CYTH2: variants seen among roughly 807,000 people sequenced by gnomAD.
The protein encoded by CYTH2 is cytohesin 2.
A neutral mutation model predicts 55.4 loss-of-function variants in CYTH2; 24 were observed. The ratio of observed to expected loss-of-function variants is 0.43; its 90% confidence interval spans 0.31 to 0.61. The LOEUF is 0.61. CYTH2 is among the 20% of genes least tolerant of loss of function. CYTH2 has a pLI of 0.08. For synonymous variants in CYTH2, 221 were observed against 209.6 expected (o/e 1.05, Z -0.47); for missense variants, 378 against 533.5 (o/e 0.71, Z 2.87).
Position 48,479,352 on chromosome 19 carries a change from C to A in CYTH2, c.*142C>A. ...TCCTCACTGTTCTTTGTAATTAACA[C>A]GCTGTTGGTAATCTTATTAATTATT... On this transcript the variant is annotated 3_prime_UTR_variant, in exon 12 of 12. Transcript: ENST00000452733. 1 of 734,452 alleles carries A rather than the reference C, an allele frequency of 1.4e-6. No homozygotes were observed. The highest frequency in any genetic ancestry group is 2.3e-6 in the Non-Finnish European group (1 of 441,078). The allele number at this position is 734,452 out of a possible 1,614,324, so 45.5% of individuals were successfully genotyped here. A position where few individuals can be genotyped will look rare whatever the true frequency, so the allele number is the denominator to read the frequency against.
chr19:48,472,633 C>T (rs774169637), intron 4 of CYTH2, 190 bp downstream of exon 4: 27 of 641,884 alleles, frequency 4.2e-5, no homozygotes, highest in African/African-American at 1.6e-4. Context: ...TGCGGCCAAC[C>T]GAGAGCATCT....
chr19:48,469,410 G>C lies in CYTH2; in HGVS notation c.-98G>C, dbSNP rs1317947206. On this transcript the variant is annotated 5_prime_UTR_variant, in exon 1 of 12. Transcript: ENST00000452733. ...GCTGAGGAGGCGGCGGTGGCTCCCG[G>C]GGCGTTTGAGCGGGCTCACCCGAGC... 1 of 1,273,470 alleles carries C rather than the reference G, an allele frequency of 7.9e-7. No homozygotes were observed. Among genetic ancestry groups the C allele is most frequent in the East Asian group, 3.2e-5 (1 of 31,690 alleles). 78.9% of individuals were successfully genotyped at this position (1,273,470 alleles called of 1,614,324 possible).
chr19:48,480,426 T>C lies in CYTH2; in HGVS notation c.*1216T>C, dbSNP rs1000557685. 3 of 152,206 alleles carry C rather than the reference T, an allele frequency of 2.0e-5. No homozygotes were observed. Among genetic ancestry groups the C allele is most frequent in the African/African-American group, 7.2e-5 (3 of 41,458 alleles). The allele number at this position is 152,206 out of a possible 1,614,324, so 9.4% of individuals were successfully genotyped here. Reference sequence around the variant, plus strand: ...GATGCGGCGCTTCGGAATTTCGGGCTTTGATCCCTGTCCCGCCCTTGGCCA... The same window carrying C: ...GATGCGGCGCTTCGGAATTTCGGGCCTTGATCCCTGTCCCGCCCTTGGCCA... On this transcript the variant is annotated 3_prime_UTR_variant, in exon 12 of 12. Coordinates refer to ENST00000452733, the MANE Select transcript of CYTH2 (RefSeq NM_004228.7).
chr19:48,472,518 A>G, intron 4 of CYTH2, 75 bp downstream of exon 4: 1 of 1,179,852 alleles, frequency 8.5e-7, no homozygotes, highest in Non-Finnish European at 1.2e-6. Context: ...TCACACTGGC[A>G]GCTCACAGGT....
In CYTH2 at chr19:48,481,727, G is replaced by A; in HGVS notation, c.*2517G>A. ...GGGGTTTCACCATATTGGCCAAGCT[G>A]GTCTCGAACTCCTGACCTCAGGCGA... On this transcript the variant is annotated 3_prime_UTR_variant, in exon 12 of 12. Transcript: ENST00000452733. The A allele has an allele frequency of 6.5e-6, 1 of 153,156 alleles. No individual in the cohort carries two copies. Among genetic ancestry groups the A allele is most frequent in the East Asian group, 1.9e-4 (1 of 5,214 alleles). The allele number at this position is 153,156 out of a possible 1,614,324, so 9.5% of individuals were successfully genotyped here.
At position 48,473,947 on chromosome 19, in the gene CYTH2, A is replaced by G; in HGVS notation, c.477A>G (p.Lys159=). 6.2e-7 allele frequency: 1 copy of G among 1,613,744 alleles called. No homozygotes were observed. Among genetic ancestry groups the G allele is most frequent in the Non-Finnish European group, 8.5e-7 (1 of 1,179,808 alleles). ...TTCGCCTACCCGGAGAGGCCCAGAA[A>G]ATTGACCGGATGATGGAGGCCTTCG... is the stretch of plus-strand genomic sequence containing the variant. ...WSFRLPGEAQ[K]IDRMMEAFAQ... The change falls in exon 6 of 12, where the codon AAA becomes AAG. Residue 159 remains lysine (K), a synonymous_variant. Transcript: ENST00000452733.
In CYTH2 at chr19:48,474,734, C is replaced by G. The variant is rs1166594254; in HGVS notation, c.697-104C>G. On this transcript the variant is annotated intron_variant, in intron 7 of 11. Transcript: ENST00000452733. The surrounding 1 kb of genome is among the most constrained non-coding windows in gnomAD (Gnocchi z 4.9). The stretch of plus-strand genomic sequence containing the variant: ...CTCCTCCCCACTACCCCTCTCTCTT[C>G]CCCACTATGAGTCATCCCATCCCTG... The G allele has an allele frequency of 2.1e-6, 2 of 941,592 alleles. No individual in the cohort carries two copies. Among genetic ancestry groups the G allele is most frequent in the East Asian group, 4.9e-5 (2 of 40,754 alleles). The allele number at this position is 941,592 out of a possible 1,614,324, so 58.3% of individuals were successfully genotyped here.
At chr19:48,471,166 T>TTGTGTGTGTGTGTGTGTGTGTGTGTG (rs372484993) in intron 3 of CYTH2, among the ~76,000 whole-genome samples, 1,571 of 150,600 alleles carry the variant, frequency 0.01, 32 homozygotes, top group East Asian at 0.034. Context: ...CACCTACTCT[T>TTGTGTGTGTGTGTGTGTGTGTGTGTG]TGTGTGTGTG....
chr19:48,475,922 G>A (rs1971903097), intron 8 of CYTH2: 1 of 459,962 alleles, frequency 2.2e-6, no homozygotes, highest in Admixed American at 2.4e-5. Flanking sequence ...ACACATCTGG[G>A]CAGTTACAGT....
chr19:48,474,007 C>T lies in CYTH2; in HGVS notation c.537C>T (p.Phe179=), dbSNP rs1481750376. ...ACTGCCTGTGCAACCCTGGGGTTTT[C>T]CAGTCCACAGGTGCGGGCCCCAAAT... The part of the protein sequence containing the change: ...QRYCLCNPGV[F]QSTDTCYVLS... Residue 179 remains phenylalanine (F), a synonymous_variant, in exon 6 of 12, where the codon TTC becomes TTT. Coordinates refer to ENST00000452733, the MANE Select transcript of CYTH2 (RefSeq NM_004228.7). This position sits in a 1 kb window ranked among gnomAD's most constrained non-coding sequence, Gnocchi z 4.9. 6.2e-7 allele frequency: 1 copy of T among 1,610,390 alleles called. No homozygotes were observed. Among genetic ancestry groups the T allele is most frequent in the Admixed American group, 1.7e-5 (1 of 59,192 alleles).
chr19:48,471,622 C>T (rs912006695), intron 3 of CYTH2, among the ~76,000 whole-genome samples: 2 of 152,210 alleles, frequency 1.3e-5, no homozygotes, highest in African/African-American at 2.4e-5. Flanking sequence ...GAGAGGTCTT[C>T]GTAGCACAGA....
chr19:48,471,166 T>TTGTGTGTGTG lies in CYTH2; in HGVS notation c.234+502_234+511dup, dbSNP rs372484993. 1.5e-4 allele frequency among the ~76,000 whole-genome samples: 23 copies of TTGTGTGTGTG among 150,652 alleles called. No homozygotes were observed. In the East Asian group the frequency reaches 4.3e-3, roughly 28 times the overall value. On this transcript the variant is annotated intron_variant, in intron 3 of 11. Transcript: ENST00000452733. ...GGAAAGGCTTTTGTTCACCTACTCT[T>TTGTGTGTGTG]TGTGTGTGTGTGTGAGACAGAGTCT...
chr19:48,481,895 G>A lies in CYTH2; in HGVS notation c.*2685G>A, dbSNP rs1455558955. ...CATGTTGAGATTCGAGCCCCAGTGT[G>A]GCAGGTGTTGGGATGTGGGGCCTCA... On this transcript the variant is annotated 3_prime_UTR_variant, in exon 12 of 12. Coordinates refer to ENST00000452733, the MANE Select transcript of CYTH2 (RefSeq NM_004228.7). 9.3e-6 allele frequency: 1 copy of A among 106,990 alleles called. No individual in the cohort carries two copies. The highest frequency in any genetic ancestry group is 1.9e-5 in the Non-Finnish European group (1 of 52,426). 6.6% of individuals were successfully genotyped at this position (106,990 alleles called of 1,614,324 possible).
rs757452084 is a variant in CYTH2 at position 48,473,929 on chromosome 19, A to G, written c.459A>G (p.Leu153=). The G allele has an allele frequency of 6.8e-6, 11 of 1,612,914 alleles. No homozygotes were observed. The highest frequency in any genetic ancestry group is 1.6e-4 in the Middle Eastern group (1 of 6,072). ...GGCAGTTTCTATGGAGCTTTCGCCT[A>G]CCCGGAGAGGCCCAGAAAATTGACC... The part of the protein sequence containing the change: ...ALRQFLWSFR[L]PGEAQKIDRM... Residue 153 remains leucine, a synonymous_variant, in exon 6 of 12, where the codon CTA becomes CTG. Coordinates refer to ENST00000452733, the MANE Select transcript of CYTH2 (RefSeq NM_004228.7).
At chr19:48,470,097 GCTC>G (rs1426965946) in intron 1 of CYTH2, 41 of 686,058 alleles carry the variant, frequency 6.0e-5, no homozygotes, top group Non-Finnish European at 9.8e-5. Context: ...AGATCTAAGA[GCTC>G]AGGCACCCAT....
chr19:48,470,430 A>AT lies in CYTH2; in HGVS notation c.99dup (p.Gln34SerfsTer9), dbSNP rs1408504156. ...GCGGAAGCAGGAGCTGCTGGTGGAG[A>AT]TTCAGCGCCTGCGGGAGGAGCTCAG... is the stretch of plus-strand genomic sequence containing the variant. On this transcript the variant is annotated frameshift_variant, in exon 2 of 12. Transcript: ENST00000452733. LOFTEE classifies it high-confidence loss of function. The AT allele has an allele frequency of 3.7e-6, 6 of 1,614,068 alleles. No homozygotes were observed. The highest frequency in any genetic ancestry group is 5.1e-6 in the Non-Finnish European group (6 of 1,180,018).
rs934321636 is a variant in CYTH2, at chr19:48,480,915, C to G, written c.*1705C>G. 3.9e-5 allele frequency: 6 copies of G among 152,424 alleles called. No homozygotes were observed. The highest frequency in any genetic ancestry group is 3.4e-3 in the Middle Eastern group (1 of 294). 9.4% of individuals were successfully genotyped at this position (152,424 alleles called of 1,614,324 possible). Reference sequence around the variant, plus strand: ...GGCAGAGGCAGGAAGAGGCGCGGAGCCCGCTGGTGGCGAAGAGGGGAGTGC... The same window carrying G: ...GGCAGAGGCAGGAAGAGGCGCGGAGGCCGCTGGTGGCGAAGAGGGGAGTGC... On this transcript the variant is annotated 3_prime_UTR_variant, in exon 12 of 12. Coordinates refer to ENST00000452733, the MANE Select transcript of CYTH2 (RefSeq NM_004228.7).
intron 10 of CYTH2, 34 bp downstream of exon 10, chr19:48,478,380 C>T (rs772741574): frequency 6.8e-6 from 11 of 1,613,516 alleles, no homozygotes; most frequent in East Asian, 4.5e-5. Context: ...CCTGCCAGGG[C>T]GGGGCCTCCT....
intron 8 of CYTH2, chr19:48,476,109 C>G: frequency 2.1e-6 from 1 of 476,982 alleles, no homozygotes; most frequent in Non-Finnish European, 4.2e-6. Flanking sequence ...GCATCACCAC[C>G]TCAACAGATG....
Sources: gnomAD v4.1 joint callset for allele counts (sites outside exome capture counted in the v4.1 genomes callset) on GRCh38, gnomAD v4.1.1 for gene constraint, Gnocchi (gnomAD v3.1) non-coding constraint, MANE v1.5 for transcripts, NCBI Gene and HGNC (gene_info 2026-07-23, HGNC 2026-07-21) for gene names.